QSER1: variants seen among roughly 807,000 people sequenced by gnomAD.
The protein encoded by QSER1 is glutamine and serine rich 1, also known as glutamine and serine-rich protein 1.
QSER1 carries 49 observed loss-of-function variants against 158.5 expected under a neutral mutation model. The ratio of observed to expected loss-of-function variants is 0.31; its 90% CI spans 0.25 to 0.39. The LOEUF (loss-of-function observed/expected upper bound fraction) is 0.39, where lower values mean the gene tolerates loss of function less well. QSER1 is among the 10% of genes least tolerant of loss of function. The probability of loss-of-function intolerance (pLI) is 1.00; values close to 1 mark genes in which losing one functional copy is unlikely to be tolerated. For missense variants in QSER1, 1,754 were observed against 2,010.3 expected (o/e 0.87, Z 2.44); for synonymous variants, 650 against 715.5 (o/e 0.91, Z 1.46).
At chr11:32,945,569 C>T (rs1055680379) in intron 4 of QSER1, among the ~76,000 whole-genome samples, 90 of 152,304 alleles carry the variant, frequency 5.9e-4, no homozygotes, top group African/African-American at 2.1e-3. Flanking sequence ...TTGGCCCCCA[C>T]TCTCTTCTGG....
At chr11:32,975,548 C>T in intron 12 of QSER1, 1 of 1,418,204 alleles carries the variant, frequency 7.1e-7, no homozygotes, top group Non-Finnish European at 9.3e-7. Context: ...GCCTCACCAC[C>T]TCTTGTAGGA....
At chr11:32,965,762 C>G (rs371831993) in intron 8 of QSER1, among the ~76,000 whole-genome samples, 3 of 152,070 alleles carry the variant, frequency 2.0e-5, no homozygotes, top group East Asian at 3.9e-4. Context: ...GCCTGGCCAA[C>G]ATGGTGAAAC....
At chr11:32,950,150 A>G (rs1852399005) in intron 4 of QSER1, among the ~76,000 whole-genome samples, 2 of 151,844 alleles carry the variant, frequency 1.3e-5, no homozygotes, top group African/African-American at 2.4e-5. Context: ...ACTGGAGTGC[A>G]GTGTTGCAAT....
At chr11:32,947,862 C>T (rs1190162119) in intron 4 of QSER1, among the ~76,000 whole-genome samples, 1 of 152,076 alleles carries the variant, frequency 6.6e-6, no homozygotes, top group Non-Finnish European at 1.5e-5. Context: ...ATCTCTTTTT[C>T]CCACTTAATG....
At chr11:32,905,439 A>G (rs2133498177) in intron 1 of QSER1, among the ~76,000 whole-genome samples, 1 of 152,340 alleles carries the variant, frequency 6.6e-6, no homozygotes, top group African/African-American at 2.4e-5. Context: ...AACTACTTCA[A>G]GTCAGAGTTT....
At chr11:32,914,873 G>A (rs1044824683) in intron 1 of QSER1, among the ~76,000 whole-genome samples, 1 of 152,118 alleles carries the variant, frequency 6.6e-6, no homozygotes, top group East Asian at 1.9e-4. Flanking sequence ...ACAGTGTAGA[G>A]AGTGGTAATC....
Position 32,910,326 on chromosome 11 carries a change from T to C in QSER1, c.210-16831T>C, listed in dbSNP as rs578076120. Among the ~76,000 whole-genome samples the C allele has an allele frequency of 2.0e-5, 3 of 152,350 alleles. No homozygotes were observed. In the East Asian group the frequency reaches 5.8e-4, roughly 29 times the overall value. Reference sequence around the variant, plus strand: ...TAATTGTTTTATTAGTTGGTTTCCTTTTATTTACCACCCTGTCTCACAACT... The same window carrying C: ...TAATTGTTTTATTAGTTGGTTTCCTCTTATTTACCACCCTGTCTCACAACT... On this transcript the variant is annotated intron_variant, in intron 1 of 12. Coordinates refer to ENST00000650167, the MANE Select transcript of QSER1 (RefSeq NM_001076786.3).
At chr11:32,921,855 AAC>A (rs1851903430) in intron 1 of QSER1, among the ~76,000 whole-genome samples, 1 of 152,224 alleles carries the variant, frequency 6.6e-6, no homozygotes, top group Admixed American at 6.5e-5. Flanking sequence ...AGACACTATA[AAC>A]ACAGTTGTAT....
At position 32,958,353 on chromosome 11, in the gene QSER1, G is replaced by C. The variant is rs186691344; in HGVS notation, c.4969+267G>C. 2.6e-3 allele frequency among the ~76,000 whole-genome samples: 395 copies of C among 151,920 alleles called. 1 individual carries two copies. The highest frequency in any genetic ancestry group is 9.4e-3 in the African/African-American group (389 of 41,432). On this transcript the variant is annotated intron_variant, in intron 8 of 12. Coordinates refer to ENST00000650167, the MANE Select transcript of QSER1 (RefSeq NM_001076786.3). ...TATCTCAACTCTGGATAAGATGGAG[G>C]TTAGATCAGATGATTACTAAGAATC...
chr11:32,941,938 ATGGTATCTCAT>A (rs1391588716), intron 4 of QSER1, among the ~76,000 whole-genome samples: 1 of 151,920 alleles, frequency 6.6e-6, no homozygotes, highest in East Asian at 1.9e-4. Context: ...CTGGTGTCAG[ATGGTATCTCAT>A]TGTGGTTTTG....
At position 32,963,693 on chromosome 11, in the gene QSER1, C is replaced by G. The variant is rs577334727; in HGVS notation, c.4970-2607C>G. Among the ~76,000 whole-genome samples the G allele has an allele frequency of 3.9e-5, 6 of 152,150 alleles. 1 individual carries two copies. In the South Asian group the frequency reaches 6.2e-4, roughly 16 times the overall value. On this transcript the variant is annotated intron_variant, in intron 8 of 12. Coordinates refer to ENST00000650167, the MANE Select transcript of QSER1 (RefSeq NM_001076786.3). ...AAATTTTGTATATTTAGAGAGAGGT[C>G]TCACTCTGTCACCCAGGCTGGAGTG... is the stretch of plus-strand genomic sequence containing the variant.
intron 10 of QSER1, among the ~76,000 whole-genome samples, chr11:32,971,883 G>C (rs1852865768): frequency 6.6e-6 from 1 of 152,026 alleles, no homozygotes; most frequent in Admixed American, 6.6e-5. Context: ...CTAACACAGA[G>C]AAACCCCATC....
rs1400625885 is a variant in QSER1, at chr11:32,931,956, C to G, written c.698C>G (p.Thr233Ser). 1 of 1,614,032 alleles carries G rather than the reference C, an allele frequency of 6.2e-7. No individual in the cohort carries two copies. Among genetic ancestry groups the G allele is most frequent in the African/African-American group, 1.3e-5 (1 of 74,942 alleles). ...CATGACCCTTTGCTACAAATCAAGA[C>G]TTCCCAGGGAACTGTTCCAACTGCT... ...SHHDPLLQIK[T>S]SQGTVPTALA... Residue 233 changes from threonine to serine, a missense_variant, in exon 4 of 13, where the codon ACT becomes AGT. Physicochemically the swap from Thr to Ser is moderately conservative, Grantham distance 58 (BLOSUM62 1). Transcript: ENST00000650167.
chr11:32,943,710 C>T (rs1852280414), intron 4 of QSER1, among the ~76,000 whole-genome samples: 1 of 151,560 alleles, frequency 6.6e-6, no homozygotes. Context: ...TTGGTTGTGT[C>T]TCTGCCTGGC....
intron 3 of QSER1, among the ~76,000 whole-genome samples, chr11:32,930,341 T>G (rs950303941): frequency 1.3e-5 from 2 of 152,198 alleles, no homozygotes; most frequent in African/African-American, 4.8e-5. Flanking sequence ...TGTATTATTT[T>G]AAACATTTCT....
intron 1 of QSER1, among the ~76,000 whole-genome samples, chr11:32,917,800 T>G: frequency 8.5e-6 from 1 of 117,350 alleles, no homozygotes; most frequent in East Asian, 3.0e-4. Context: ...CCAGCCTGGG[T>G]GACAATGTGA....
At chr11:32,936,352 C>A (rs890012043) in intron 4 of QSER1, among the ~76,000 whole-genome samples, 1 of 152,184 alleles carries the variant, frequency 6.6e-6, no homozygotes, top group Non-Finnish European at 1.5e-5. Context: ...CATGTCCCTA[C>A]AAAGGACATG....
At chr11:32,901,120 C>CA (rs1191120980) in intron 1 of QSER1, among the ~76,000 whole-genome samples, 1 of 152,142 alleles carries the variant, frequency 6.6e-6, no homozygotes, top group Non-Finnish European at 1.5e-5. Flanking sequence ...CCACCACTTG[C>CA]AGTATGATCT....
intron 1 of QSER1, among the ~76,000 whole-genome samples, chr11:32,925,053 A>G (rs1590726193): frequency 6.6e-6 from 1 of 152,240 alleles, no homozygotes; most frequent in Non-Finnish European, 1.5e-5. Flanking sequence ...TGCAAAGGAC[A>G]TGATTTTGTT....
Sources: gnomAD v4.1 joint callset for allele counts (sites outside exome capture counted in the v4.1 genomes callset) on GRCh38, gnomAD v4.1.1 for gene constraint, MANE v1.5 for transcripts, NCBI Gene and HGNC (gene_info 2026-07-23, HGNC 2026-07-21) for gene names.